LRRC9: variants seen among roughly 807,000 people sequenced by gnomAD.
LRRC9 encodes leucine-rich repeat-containing protein 9.
LRRC9 carries 122 observed loss-of-function variants against 63.2 expected under a neutral mutation model. The ratio of observed to expected loss-of-function variants is 1.93; its 90% CI spans 1.67 to 2.24. LRRC9 has a LOEUF of 2.24. LRRC9 is among the 30% of genes most tolerant of loss of function. LRRC9 has a pLI of 0.00. For missense variants in LRRC9, 1,071 were observed against 627.7 expected (o/e 1.71, Z -7.55); for synonymous variants, 366 against 213.1 (o/e 1.72, Z -6.25).
chr14:60,039,519 C>G (rs1472621263), intron 29 of LRRC9, among the ~76,000 whole-genome samples: 4 of 152,104 alleles, frequency 2.6e-5, no homozygotes, highest in African/African-American at 9.7e-5. Flanking sequence ...GGAATTTATC[C>G]ATTTCTTCTA....
At position 59,975,125 on chromosome 14, in the gene LRRC9, ATG is replaced by A. The variant is rs1282754220; in HGVS notation, c.1639+419_1639+420del. ...TACATATATATATGTATATATATAT[ATG>A]TATATATATATACATATATATATGT... On this transcript the variant is annotated intron_variant, in intron 13 of 31. Coordinates refer to ENST00000445360, the Ensembl canonical transcript of LRRC9. Among the ~76,000 whole-genome samples the A allele has an allele frequency of 6.3e-3, 85 of 13,432 alleles. 4 individuals are homozygous for A. The highest frequency in any genetic ancestry group is 7.5e-3 in the Non-Finnish European group (25 of 3,328). 8.8% of individuals were successfully genotyped at this position (13,432 alleles called of 152,430 possible).
At chr14:59,955,689 A>T (rs1883666821) in intron 8 of LRRC9, among the ~76,000 whole-genome samples, 1 of 151,554 alleles carries the variant, frequency 6.6e-6, no homozygotes, top group African/African-American at 2.4e-5. Context: ...TAGCTTTTGA[A>T]TTTGTTTGCT....
chr14:59,998,445 T>G (rs887216775), intron 18 of LRRC9, among the ~76,000 whole-genome samples: 1 of 152,038 alleles, frequency 6.6e-6, no homozygotes, highest in Non-Finnish European at 1.5e-5. Flanking sequence ...AGATTAATGC[T>G]AGGTAATTTC....
rs76260968 is a variant in LRRC9, at chr14:59,940,430, T to G, written c.726+1858T>G. Among the ~76,000 whole-genome samples the G allele has an allele frequency of 4.0e-3, 605 of 152,224 alleles. 21 individuals carry two copies. In the East Asian group the frequency reaches 0.059, roughly 15 times the overall value. On this transcript the variant is annotated intron_variant, in intron 7 of 31. Transcript: ENST00000445360. ...AACAGAGTGCTATTGATTCTTCAGATTTTCACCTATGACTGTGAACTAGTT... is the reference window on the plus strand; with the variant it reads ...AACAGAGTGCTATTGATTCTTCAGAGTTTCACCTATGACTGTGAACTAGTT...
intron 30 of LRRC9, chr14:60,057,653 GAAAA>G (rs34584505): frequency 1.3e-4 from 30 of 222,948 alleles, no homozygotes; most frequent in East Asian, 2.5e-4. Flanking sequence ...AATGCAGTCT[GAAAA>G]AAAAAAAAAA....
At chr14:60,010,373 C>A (rs987567209) in intron 23 of LRRC9, among the ~76,000 whole-genome samples, 4 of 152,168 alleles carry the variant, frequency 2.6e-5, no homozygotes, top group African/African-American at 9.7e-5. Context: ...ATACATTGGC[C>A]CCTTTTAGCC....
intron 29 of LRRC9, among the ~76,000 whole-genome samples, chr14:60,037,218 A>G (rs1892517659): frequency 6.6e-6 from 1 of 152,234 alleles, no homozygotes; most frequent in African/African-American, 2.4e-5. Context: ...TAGTGCCACA[A>G]TAAACATATG....
intron 13 of LRRC9, among the ~76,000 whole-genome samples, 166 bp from the exon 14 acceptor site, chr14:59,977,059 T>C (rs1181727503): frequency 1.3e-5 from 2 of 152,190 alleles, no homozygotes; most frequent in Non-Finnish European, 2.9e-5. Context: ...GAGCATCTAT[T>C]TTGGATCGAG....
intron 23 of LRRC9, among the ~76,000 whole-genome samples, 200 bp from the exon 24 acceptor site, chr14:60,016,460 C>G (rs1890694796): frequency 6.6e-6 from 1 of 152,160 alleles, no homozygotes. Context: ...CCCACCTTGG[C>G]CTCCCAGTGT....
intron 8 of LRRC9, among the ~76,000 whole-genome samples, chr14:59,945,354 A>G (rs1882254254): frequency 1.3e-5 from 2 of 152,000 alleles, no homozygotes; most frequent in Admixed American, 1.3e-4. Flanking sequence ...TTTCAGTATG[A>G]GGAAATAATG....
At position 59,966,861 on chromosome 14, in the gene LRRC9, T is replaced by C. The variant is rs1352890923; in HGVS notation, c.1388+96T>C. 3.9e-5 allele frequency: 22 copies of C among 558,736 alleles called. No homozygotes were observed. Among genetic ancestry groups the C allele is most frequent in the Middle Eastern group, 4.6e-4 (1 of 2,154 alleles). The allele number at this position is 558,736 out of a possible 1,614,324, so 34.6% of individuals were successfully genotyped here. On this transcript the variant is annotated intron_variant, in intron 11 of 31. Coordinates refer to ENST00000445360, the Ensembl canonical transcript of LRRC9. This position sits in a 1 kb window ranked among gnomAD's most constrained non-coding sequence, Gnocchi z 4.0. ...AAGTTTACAGCATTAAAAATATACA[T>C]ATACCTTGTTAGTAAATGTTTCCTT...
At chr14:60,035,251 C>A (rs942432251) in intron 29 of LRRC9, among the ~76,000 whole-genome samples, 1 of 152,014 alleles carries the variant, frequency 6.6e-6, no homozygotes, top group East Asian at 1.9e-4. Context: ...GATTACTAAT[C>A]CCTTGTCAGA....
At chr14:59,971,404 G>A (rs902744582) in intron 12 of LRRC9, among the ~76,000 whole-genome samples, 4 of 152,084 alleles carry the variant, frequency 2.6e-5, no homozygotes, top group Non-Finnish European at 4.4e-5. Context: ...GATTGGCTTG[G>A]CTATTTGGGC....
At chr14:59,969,966 C>G (rs1463843525) in intron 12 of LRRC9, among the ~76,000 whole-genome samples, 1 of 151,960 alleles carries the variant, frequency 6.6e-6, no homozygotes, top group Non-Finnish European at 1.5e-5. Context: ...CTAAAACCAG[C>G]CTTTTAAAAC....
intron 1 of LRRC9, among the ~76,000 whole-genome samples, chr14:59,926,590 A>G (rs1186696529): frequency 2.0e-5 from 3 of 152,156 alleles, no homozygotes; most frequent in Non-Finnish European, 4.4e-5. Context: ...TGAACACTCT[A>G]TAAGCCCCTC....
intron 22 of LRRC9, among the ~76,000 whole-genome samples, chr14:60,006,983 C>A (rs1042097633): frequency 6.6e-6 from 1 of 152,066 alleles, no homozygotes. Context: ...TTAATTCCCC[C>A]AAAAAACCAC....
Position 59,933,378 on chromosome 14 carries a change from A to G in LRRC9, c.543+1339A>G, listed in dbSNP as rs76889852. Among the ~76,000 whole-genome samples, 604 of 152,282 alleles carry G rather than the reference A, an allele frequency of 4.0e-3. 21 individuals are homozygous for G. The East Asian group carries it at 0.058, about 15-fold the overall frequency. On this transcript the variant is annotated intron_variant, in intron 6 of 31. Coordinates refer to ENST00000445360, the Ensembl canonical transcript of LRRC9. Reference sequence around the variant, plus strand: ...TGTTGGACATGTAGTAAATCTCAATAAACATTTGTCAAGAACATGAATGAA... The same window carrying G: ...TGTTGGACATGTAGTAAATCTCAATGAACATTTGTCAAGAACATGAATGAA...
chr14:60,011,164 C>T (rs1403270079), intron 23 of LRRC9, among the ~76,000 whole-genome samples: 1 of 152,218 alleles, frequency 6.6e-6, no homozygotes, highest in African/African-American at 2.4e-5. Flanking sequence ...CACAGTTCCA[C>T]ATGGCTGGGG....
At chr14:59,995,361 A>G (rs1230918081) in intron 17 of LRRC9, among the ~76,000 whole-genome samples, 1 of 152,150 alleles carries the variant, frequency 6.6e-6, no homozygotes, top group Non-Finnish European at 1.5e-5. Flanking sequence ...CTCGATCTAG[A>G]TAACAATTAC....
Sources: allele counts gnomAD v4.1 joint callset (sites outside exome capture counted in the v4.1 genomes callset), GRCh38; gene constraint gnomAD v4.1.1; non-coding constraint Gnocchi (gnomAD v3.1); transcripts MANE v1.5; gene names NCBI Gene and HGNC (gene_info 2026-07-23, HGNC 2026-07-21).